Variants in TRIM54 observed in about 807,000 individuals in gnomAD.
TRIM54 encodes the protein tripartite motif-containing protein 54.
In TRIM54, 40 loss-of-function variants were observed where a neutral mutation model predicts 42.0. The observed-to-expected ratio is 0.95, with a 90% CI of 0.74 to 1.24. TRIM54 has a LOEUF of 1.24. Among genes scored for constraint, TRIM54 ranks in the 50% most tolerant of loss-of-function variants. TRIM54 has a pLI of 0.00. For synonymous variants in TRIM54, 199 were observed against 194.9 expected (o/e 1.02, Z -0.17); for missense variants, 485 against 480.3 (o/e 1.01, Z -0.09).
At chr2:27,299,471 CT>C (rs1424072405) in intron 3 of TRIM54, 55 bp downstream of exon 3, 5 of 1,591,382 alleles carry the variant, frequency 3.1e-6, no homozygotes, top group East Asian at 2.3e-5. Context: ...AGGACAGGGT[CT>C]CAGTGTCAGC....
rs1294495519 is a variant in TRIM54, at chr2:27,283,782, G to GCACACACACA, written c.168+884_168+885insACACACACAC. On this transcript the variant is annotated intron_variant, in intron 1 of 8. Transcript: ENST00000380075. ...GGCAAAGGCACACACACACACACGC[G>GCACACACACA]CGCACACACACACACACACACACAC... Among the ~76,000 whole-genome samples the GCACACACACA allele has an allele frequency of 2.1e-4, 18 of 86,316 alleles. 1 individual carries two copies. The highest frequency in any genetic ancestry group is 8.3e-4 in the African/African-American group (17 of 20,504). The allele number at this position is 86,316 out of a possible 152,430, so 56.6% of individuals were successfully genotyped here.
intron 1 of TRIM54, among the ~76,000 whole-genome samples, chr2:27,287,717 CAA>C (rs758062142): frequency 3.9e-5 from 6 of 152,208 alleles, no homozygotes; most frequent in Non-Finnish European, 8.8e-5. Context: ...TTTGTACAGA[CAA>C]AGTCTTACTA....
chr2:27,297,745 C>T (rs540817313), intron 1 of TRIM54, among the ~76,000 whole-genome samples: 3 of 151,864 alleles, frequency 2.0e-5, no homozygotes, highest in Non-Finnish European at 2.9e-5. Flanking sequence ...TTTGGGAGGC[C>T]GAGGTGGGAG....
chr2:27,298,481 C>T, intron 1 of TRIM54, 86 bp from the exon 2 acceptor site: 1 of 1,066,440 alleles, frequency 9.4e-7, no homozygotes, highest in Non-Finnish European at 1.4e-6. Context: ...TTCCTACTCC[C>T]TAGCCCCCAA....
chr2:27,290,320 T>G (rs1345133638), intron 1 of TRIM54, among the ~76,000 whole-genome samples: 1 of 152,210 alleles, frequency 6.6e-6, no homozygotes, highest in African/African-American at 2.4e-5. Flanking sequence ...GCTTCTTAAC[T>G]AACACATTAA....
chr2:27,283,035 G>C, intron 1 of TRIM54, 136 bp downstream of exon 1: 1 of 1,006,640 alleles, frequency 9.9e-7, no homozygotes, highest in East Asian at 2.7e-5. Flanking sequence ...TGGCTGGAGA[G>C]CAGAAGGGCT....
intron 3 of TRIM54, among the ~76,000 whole-genome samples, chr2:27,303,549 A>G (rs1027234053): frequency 3.7e-5 from 5 of 136,470 alleles, no homozygotes; most frequent in Non-Finnish European, 6.2e-5. Flanking sequence ...GACTCCGTCT[A>G]AAAAAAAAAA....
rs1164403535 is a variant in TRIM54 at position 27,304,219 on chromosome 2, TATATATAGATAG to T, written c.514-736_514-725del. 3.2e-5 allele frequency among the ~76,000 whole-genome samples: 4 copies of T among 124,480 alleles called. No homozygotes were observed. The South Asian group carries it at 8.6e-4, about 27-fold the overall frequency. The allele number at this position is 124,480 out of a possible 152,430, so 81.7% of individuals were successfully genotyped here. On this transcript the variant is annotated intron_variant, in intron 3 of 8. Transcript: ENST00000380075. The stretch of plus-strand genomic sequence containing the variant: ...AGAGTGAGACCTTGTCTCAAATATA[TATATATAGATAG>T]ATAGATAGATAGATAGATATAGATA...
chr2:27,290,444 G>C (rs1678689831), intron 1 of TRIM54, among the ~76,000 whole-genome samples: 1 of 152,140 alleles, frequency 6.6e-6, no homozygotes, highest in Admixed American at 6.6e-5. Flanking sequence ...GAGGCGGGCA[G>C]ATCACGAGGT....
rs1355600634 is a variant in TRIM54 at position 27,306,616 on chromosome 2, G to A, written c.*1+74G>A. The A allele has an allele frequency of 1.1e-5, 15 of 1,378,662 alleles. No homozygotes were observed. Among genetic ancestry groups the A allele is most frequent in the Non-Finnish European group, 1.3e-5 (13 of 1,030,756 alleles). The allele number at this position is 1,378,662 out of a possible 1,614,324, so 85.4% of individuals were successfully genotyped here. A position where few individuals can be genotyped will look rare whatever the true frequency, so the allele number is the denominator to read the frequency against. On this transcript the variant is annotated intron_variant, in intron 8 of 8. Coordinates refer to ENST00000380075, the MANE Select transcript of TRIM54 (RefSeq NM_187841.3). This position sits in a 1 kb window ranked among gnomAD's most constrained non-coding sequence, Gnocchi z 6.1. Reference sequence around the variant, plus strand: ...GGGGTGGGGCCTGGCTGGTGTGCTCGCGTCCCCTCCCCCAGTGATTGCCCT... The same window carrying A: ...GGGGTGGGGCCTGGCTGGTGTGCTCACGTCCCCTCCCCCAGTGATTGCCCT...
At chr2:27,289,596 C>T (rs1219855162) in intron 1 of TRIM54, among the ~76,000 whole-genome samples, 2 of 152,082 alleles carry the variant, frequency 1.3e-5, no homozygotes, top group African/African-American at 4.8e-5. Context: ...GGATTACAGG[C>T]ATGAGCCACT....
intron 1 of TRIM54, among the ~76,000 whole-genome samples, chr2:27,296,466 G>A (rs952201438): frequency 6.6e-6 from 1 of 152,204 alleles, no homozygotes; most frequent in African/African-American, 2.4e-5. Flanking sequence ...TTATTCTCAA[G>A]TGAAAGTATG....
chr2:27,301,028 A>G lies in TRIM54; in HGVS notation c.513+1612A>G, dbSNP rs956370312. Among the ~76,000 whole-genome samples, 5 of 152,220 alleles carry G rather than the reference A, an allele frequency of 3.3e-5. No individual in the cohort carries two copies. The South Asian group carries it at 8.3e-4, about 25-fold the overall frequency. On this transcript the variant is annotated intron_variant, in intron 3 of 8. Coordinates refer to ENST00000380075, the MANE Select transcript of TRIM54 (RefSeq NM_187841.3). ...TTGGATCTCGCGCAAGAAAGAATTC[A>G]GGGCTAGTCCATAGAGTAAAGTGAA...
intron 1 of TRIM54, among the ~76,000 whole-genome samples, chr2:27,298,144 C>A (rs1247785100): frequency 6.6e-6 from 1 of 152,112 alleles, no homozygotes; most frequent in Admixed American, 6.5e-5. Context: ...TACCCCTGCC[C>A]AGGACTGCAG....
chr2:27,301,201 G>A (rs1305730793), intron 3 of TRIM54, among the ~76,000 whole-genome samples: 4 of 147,738 alleles, frequency 2.7e-5, no homozygotes, highest in Non-Finnish European at 4.4e-5. Context: ...ATGCAATGGC[G>A]CGATCTCAGC....
intron 3 of TRIM54, among the ~76,000 whole-genome samples, chr2:27,302,251 C>G (rs1362464228): frequency 4.0e-5 from 6 of 149,630 alleles, no homozygotes; most frequent in African/African-American, 1.5e-4. Flanking sequence ...GAGATCGGGA[C>G]CATCCTGGCT....
chr2:27,305,903 C>G, intron 5 of TRIM54, 86 bp downstream of exon 5: 1 of 1,372,512 alleles, frequency 7.3e-7, no homozygotes, highest in East Asian at 2.5e-5. Context: ...AGTCTTGTCT[C>G]TTGCACCTGC....
chr2:27,282,548 T>C lies in TRIM54; in HGVS notation c.-184T>C. 1 of 556,930 alleles carries C rather than the reference T, an allele frequency of 1.8e-6. No individual in the cohort carries two copies. The highest frequency in any genetic ancestry group is 2.9e-5 in the South Asian group (1 of 34,514). The allele number at this position is 556,930 out of a possible 1,614,324, so 34.5% of individuals were successfully genotyped here. On this transcript the variant is annotated 5_prime_UTR_variant, in exon 1 of 9. Transcript: ENST00000380075. Reference sequence around the variant, plus strand: ...CCTGGCGAGGGTGCAGAGCAGAAAGTAGAGACTGTCCGAAGACTGCTATCT... The same window carrying C: ...CCTGGCGAGGGTGCAGAGCAGAAAGCAGAGACTGTCCGAAGACTGCTATCT...
rs558370524 is a variant in TRIM54 at position 27,286,797 on chromosome 2, CTT to C, written c.168+3901_168+3902del. Among the ~76,000 whole-genome samples, 23 of 152,298 alleles carry C rather than the reference CTT, an allele frequency of 1.5e-4. No homozygotes were observed. The South Asian group carries it at 4.8e-3, about 32-fold the overall frequency. On this transcript the variant is annotated intron_variant, in intron 1 of 8. Transcript: ENST00000380075. Reference sequence around the variant, plus strand: ...ACAAGGGGCAGTCTGAGAGAGATGACTTTTGTTTCGCGCCACCCAAATTCCAT... The same window carrying C: ...ACAAGGGGCAGTCTGAGAGAGATGACTTGTTTCGCGCCACCCAAATTCCAT...
Sources: allele counts gnomAD v4.1 joint callset (sites outside exome capture counted in the v4.1 genomes callset), GRCh38; gene constraint gnomAD v4.1.1; non-coding constraint Gnocchi (gnomAD v3.1); transcripts MANE v1.5; gene names NCBI Gene and HGNC (gene_info 2026-07-23, HGNC 2026-07-21).